Variants in PTPRN2 observed in about 807,000 individuals in gnomAD.
PTPRN2 encodes the protein receptor-type tyrosine-protein phosphatase N2.
PTPRN2 carries 74 observed loss-of-function variants against 118.8 expected under a neutral mutation model. The ratio of observed to expected loss-of-function variants is 0.62; its 90% confidence interval spans 0.52 to 0.76. The LOEUF (loss-of-function observed/expected upper bound fraction) is 0.76, where lower values mean the gene tolerates loss of function less well. PTPRN2 is among the 30% of genes least tolerant of loss of function. The pLI is 0.00. For synonymous variants in PTPRN2, 641 were observed against 608.0 expected (o/e 1.05, Z -0.80); for missense variants, 1,481 against 1,394.4 (o/e 1.06, Z -0.99).
chr7:158,046,059 T>C (rs1300573887), intron 11 of PTPRN2, among the ~76,000 whole-genome samples: 9 of 134,436 alleles, frequency 6.7e-5, no homozygotes, highest in African/African-American at 2.6e-4. Context: ...CCTGGCGTCC[T>C]GACACTGCAA....
chr7:157,800,651 A>T (rs1312046689), intron 12 of PTPRN2, among the ~76,000 whole-genome samples: 1 of 152,138 alleles, frequency 6.6e-6, no homozygotes, highest in African/African-American at 2.4e-5. Flanking sequence ...GCTTTTTTTA[A>T]CTTTTAAAAT....
In PTPRN2 at chr7:157,716,458, G is replaced by A. The variant is rs371923087; in HGVS notation, c.1789-33521C>T. On this transcript the variant is annotated intron_variant, in intron 12 of 22. Coordinates refer to ENST00000389418, the MANE Select transcript of PTPRN2 (RefSeq NM_002847.5). ...CTCTGCAGGAACACTGCCTGGCCAC[G>A]TAGACTCTGCAGGAACACTGCCTGG... is the stretch of plus-strand genomic sequence containing the variant. 3.4e-5 allele frequency among the ~76,000 whole-genome samples: 3 copies of A among 87,252 alleles called. 1 individual carries two copies. The highest frequency in any genetic ancestry group is 6.7e-4 in the East Asian group (2 of 2,968). The allele number at this position is 87,252 out of a possible 152,430, so 57.2% of individuals were successfully genotyped here.
At chr7:157,853,425 T>C (rs1231676651) in intron 12 of PTPRN2, among the ~76,000 whole-genome samples, 2 of 152,090 alleles carry the variant, frequency 1.3e-5, no homozygotes, top group Admixed American at 6.6e-5. Flanking sequence ...TGGAGAACCA[T>C]GTTTGCCTCT....
At chr7:157,651,677 T>C (rs998985533) in intron 14 of PTPRN2, among the ~76,000 whole-genome samples, 1 of 152,192 alleles carries the variant, frequency 6.6e-6, no homozygotes, top group African/African-American at 2.4e-5. Context: ...AAAAACTCGA[T>C]GATTCTTTAT....
intron 15 of PTPRN2, among the ~76,000 whole-genome samples, chr7:157,620,214 C>CA (rs1433918078): frequency 6.6e-6 from 1 of 152,182 alleles, no homozygotes; most frequent in Non-Finnish European, 1.5e-5. Flanking sequence ...TATAACCAAT[C>CA]AAAGTGTGGA....
chr7:157,849,762 A>G (rs1206126385), intron 12 of PTPRN2, among the ~76,000 whole-genome samples: 2 of 152,154 alleles, frequency 1.3e-5, no homozygotes, highest in Middle Eastern at 3.2e-3. Context: ...TGCCCAGAGT[A>G]CTGTACAGCC....
At chr7:157,741,690 T>C (rs73165814) in intron 12 of PTPRN2, among the ~76,000 whole-genome samples, 6,675 of 152,228 alleles carry the variant, frequency 0.044, 275 homozygotes, top group East Asian at 0.16. Flanking sequence ...CTCTAAGCTA[T>C]GAGGGAAGAA....
rs1312197058 is a variant in PTPRN2 at position 158,138,444 on chromosome 7, CCAGGCCACT to C, written c.973_981del (p.Ser325_Leu327del). ...ATCAGCTCAGCCATGCCGTCCAGCT[CCAGGCCACT>C]CAGGCCCCTCACCTCAGCCGGCTGC... On this transcript the variant is annotated inframe_deletion, in exon 7 of 23. Transcript: ENST00000389418. 1 of 1,613,360 alleles carries C rather than the reference CCAGGCCACT, an allele frequency of 6.2e-7. No homozygotes were observed. Among genetic ancestry groups the C allele is most frequent in the Non-Finnish European group, 8.5e-7 (1 of 1,179,928 alleles).
At position 157,986,782 on chromosome 7, in the gene PTPRN2, A is replaced by T. The variant is rs1231406168; in HGVS notation, c.1724-88045T>A. Among the ~76,000 whole-genome samples the T allele has an allele frequency of 3.3e-5, 5 of 152,152 alleles. No individual in the cohort carries two copies. The highest frequency in any genetic ancestry group is 7.2e-5 in the African/African-American group (3 of 41,428). ...CATCCAGTTGGCAGGACTGGAAGTA[A>T]CTGGGCAGAGGAGACATTTTGGAGC... is the stretch of plus-strand genomic sequence containing the variant. On this transcript the variant is annotated intron_variant, in intron 11 of 22. Coordinates refer to ENST00000389418, the MANE Select transcript of PTPRN2 (RefSeq NM_002847.5). The surrounding 1 kb of genome is among the most constrained non-coding windows in gnomAD (Gnocchi z 4.5).
chr7:157,715,295 C>T (rs895713100), intron 12 of PTPRN2, among the ~76,000 whole-genome samples: 5 of 152,098 alleles, frequency 3.3e-5, no homozygotes, highest in Non-Finnish European at 5.9e-5. Flanking sequence ...GGAGACAGGC[C>T]GGCGGCCGCG....
chr7:158,136,994 A>T (rs1217366081), intron 7 of PTPRN2, among the ~76,000 whole-genome samples: 3 of 132,132 alleles, frequency 2.3e-5, no homozygotes, highest in Admixed American at 8.2e-5. Flanking sequence ...GGCAAAAAAA[A>T]ACCCCATCGT....
Position 158,547,070 on chromosome 7 carries a change from C to T in PTPRN2, c.112+40488G>A, listed in dbSNP as rs187163445. ...CCCGGACTCACTCACCCCACACCAC[C>T]GATGTCAGGGGTTCTGTGCAGGCAA... On this transcript the variant is annotated intron_variant, in intron 1 of 22. Transcript: ENST00000389418. 7.1e-3 allele frequency among the ~76,000 whole-genome samples: 1,080 copies of T among 152,264 alleles called. 13 individuals are homozygous for T. Among genetic ancestry groups the T allele is most frequent in the African/African-American group, 0.024 (996 of 41,558 alleles).
chr7:157,848,230 T>C (rs1809014991), intron 12 of PTPRN2, among the ~76,000 whole-genome samples: 1 of 144,500 alleles, frequency 6.9e-6, no homozygotes, highest in Admixed American at 6.9e-5. Flanking sequence ...TGTTTACAGA[T>C]GTTTATAGAG....
intron 3 of PTPRN2, among the ~76,000 whole-genome samples, chr7:158,315,960 G>A (rs756942071): frequency 7.9e-5 from 12 of 152,160 alleles, no homozygotes; most frequent in Non-Finnish European, 1.2e-4. Context: ...AGGTGGTCGC[G>A]GTGGCAGAGT....
chr7:157,830,483 G>A (rs1332267095), intron 12 of PTPRN2, among the ~76,000 whole-genome samples: 2 of 151,842 alleles, frequency 1.3e-5, no homozygotes, highest in Non-Finnish European at 2.9e-5. Context: ...CGCTGTGGCT[G>A]GAGGCACACA....
chr7:158,098,516 G>A (rs1255179555), intron 10 of PTPRN2, among the ~76,000 whole-genome samples: 1 of 152,220 alleles, frequency 6.6e-6, no homozygotes, highest in Non-Finnish European at 1.5e-5. Flanking sequence ...CTCAGAATCC[G>A]TCTTCCGACA....
At chr7:158,456,667 C>T (rs925670174) in intron 2 of PTPRN2, among the ~76,000 whole-genome samples, 7 of 152,280 alleles carry the variant, frequency 4.6e-5, no homozygotes, top group Non-Finnish European at 7.3e-5. Context: ...TCACTCCATC[C>T]GTCTCCCCTG....
At chr7:157,595,434 C>A in intron 16 of PTPRN2, 119 bp from the exon 17 acceptor site, 1 of 855,262 alleles carries the variant, frequency 1.2e-6, no homozygotes, top group South Asian at 1.7e-5. Context: ...GAAGCCAGGA[C>A]GTTAAGAAAC....
chr7:157,572,768 C>T (rs549413046), intron 19 of PTPRN2, among the ~76,000 whole-genome samples: 1 of 152,358 alleles, frequency 6.6e-6, no homozygotes, highest in African/African-American at 2.4e-5. Context: ...ACAGCCTAGC[C>T]AGGACGCACT....
Sources: allele counts gnomAD v4.1 joint callset (sites outside exome capture counted in the v4.1 genomes callset), GRCh38; gene constraint gnomAD v4.1.1; non-coding constraint Gnocchi (gnomAD v3.1); transcripts MANE v1.5; gene names NCBI Gene and HGNC (gene_info 2026-07-23, HGNC 2026-07-21).